ITGAE: variants seen among roughly 807,000 people sequenced by gnomAD.
ITGAE encodes the protein integrin subunit alpha E, also known as integrin alpha-E.
Under a neutral mutation model 136.5 loss-of-function variants are expected in ITGAE, and 99 were observed. The ratio of observed to expected loss-of-function variants is 0.73; its 90% CI spans 0.62 to 0.86. The LOEUF (loss-of-function observed/expected upper bound fraction) is 0.86, where lower values mean the gene tolerates loss of function less well. Among genes scored for constraint, ITGAE ranks in the 40% least tolerant of loss-of-function variants. ITGAE has a pLI of 0.00. For synonymous variants in ITGAE, 613 were observed against 591.8 expected (o/e 1.04, Z -0.52); for missense variants, 1,447 against 1,515.3 (o/e 0.95, Z 0.75).
At chr17:3,762,119 A>C in intron 3 of ITGAE, 137 bp from the exon 4 acceptor site, 1 of 688,618 alleles carries the variant, frequency 1.5e-6, no homozygotes, top group Non-Finnish European at 2.5e-6. Flanking sequence ...AGCCTCTAGA[A>C]AGCTAGAGCG....
intron 26 of ITGAE, chr17:3,725,475 G>A: frequency 4.3e-6 from 7 of 1,614,200 alleles, no homozygotes; most frequent in Non-Finnish European, 5.9e-6. Flanking sequence ...AAAAATCATT[G>A]CTATTGAAGG....
At position 3,716,747 on chromosome 17, in the gene ITGAE, T is replaced by G; in HGVS notation, c.3385A>C (p.Ile1129Leu). 1 of 1,612,228 alleles carries G rather than the reference T, an allele frequency of 6.2e-7. No homozygotes were observed. The highest frequency in any genetic ancestry group is 8.5e-7 in the Non-Finnish European group (1 of 1,178,304). ...DEKYHSLPIIIKGSVGGLLVL... is the reference protein window; with the variant it reads ...DEKYHSLPIILKGSVGGLLVL... ...AGAAGTCCACCAACGCTGCCTTTAA[T>G]GATGATAGGCAAAGAATGGTACTTC... The change falls in exon 30 of 31, where the codon ATT (isoleucine) becomes CTT (leucine). Residue 1129 changes from isoleucine (I) to leucine (L), a missense_variant. By Grantham distance (5) the Ile-to-Leu change is conservative. Around this residue, in one of 3 missense-constraint regions of ITGAE, gnomAD observed 1,031 missense variants for 1,011.4 expected, o/e 1.02. Coordinates refer to ENST00000263087, the MANE Select transcript of ITGAE (RefSeq NM_002208.5).
At chr17:3,761,767 C>T (rs2052176189) in intron 4 of ITGAE, 148 bp downstream of exon 4, 1 of 736,216 alleles carries the variant, frequency 1.4e-6, no homozygotes, top group Admixed American at 2.6e-5. Context: ...GTCAGAGCTA[C>T]AGTCAGCCCT....
At chr17:3,797,693 ACAAG>A (rs1413235039) in intron 1 of ITGAE, among the ~76,000 whole-genome samples, 1 of 147,136 alleles carries the variant, frequency 6.8e-6, no homozygotes, top group African/African-American at 2.5e-5. Context: ...ACTCCTGATC[ACAAG>A]TGCTCTGCCC....
chr17:3,744,479 C>T (rs1178561), intron 18 of ITGAE, among the ~76,000 whole-genome samples: 33,134 of 145,008 alleles, frequency 0.23, 6,198 homozygotes, highest in African/African-American at 0.51. Context: ...TGGAGTCTCG[C>T]TCTGTCGCCC....
chr17:3,797,237 C>T (rs1388113063), intron 1 of ITGAE, among the ~76,000 whole-genome samples: 1 of 144,112 alleles, frequency 6.9e-6, no homozygotes, highest in Non-Finnish European at 1.5e-5. Flanking sequence ...GCAATCTCGG[C>T]TCACTGCAAG....
intron 1 of ITGAE, among the ~76,000 whole-genome samples, chr17:3,786,472 A>G (rs2052800719): frequency 6.6e-6 from 1 of 152,214 alleles, no homozygotes; most frequent in Non-Finnish European, 1.5e-5. Flanking sequence ...TGAAGCCAGT[A>G]TAACATTGAT....
intron 20 of ITGAE, among the ~76,000 whole-genome samples, chr17:3,738,627 G>A (rs942970538): frequency 6.6e-6 from 1 of 152,214 alleles, no homozygotes; most frequent in African/African-American, 2.4e-5. Flanking sequence ...CGGCCACTGA[G>A]TCTTTGAAGT....
At chr17:3,784,141 T>TC (rs1333873066) in intron 1 of ITGAE, among the ~76,000 whole-genome samples, 1 of 151,826 alleles carries the variant, frequency 6.6e-6, no homozygotes, top group Non-Finnish European at 1.5e-5. Flanking sequence ...GCGCCTGTAG[T>TC]CCCAGCTACT....
chr17:3,741,227 G>A (rs1356476021), intron 19 of ITGAE, among the ~76,000 whole-genome samples: 8 of 148,516 alleles, frequency 5.4e-5, no homozygotes, highest in African/African-American at 1.8e-4. Flanking sequence ...ACAGCTGCCC[G>A]CCACCACGCC....
In ITGAE at chr17:3,752,356, C is replaced by A. The variant is rs144222317; in HGVS notation, c.1669-482G>T. Among the ~76,000 whole-genome samples the A allele has an allele frequency of 5.0e-3, 756 of 152,336 alleles. 9 individuals are homozygous for A. Among genetic ancestry groups the A allele is most frequent in the African/African-American group, 0.017 (725 of 41,572 alleles). ...CGGCATCACTGAGGCTCGCCGAGCC[C>A]CAGCTTCCTCACCCGTAAGATGAGA... On this transcript the variant is annotated intron_variant, in intron 14 of 30. Coordinates refer to ENST00000263087, the MANE Select transcript of ITGAE (RefSeq NM_002208.5).
chr17:3,739,967 G>A (rs1161824470), intron 19 of ITGAE, 89 bp from the exon 20 acceptor site: 34 of 1,041,464 alleles, frequency 3.3e-5, no homozygotes, highest in Non-Finnish European at 4.7e-5. Context: ...GGAAGTTTTG[G>A]GCTGTGCCTC....
intron 26 of ITGAE, among the ~76,000 whole-genome samples, chr17:3,727,403 CTT>C (rs34753665): frequency 2.6e-4 from 37 of 141,392 alleles, no homozygotes; most frequent in African/African-American, 4.5e-4. Flanking sequence ...TTAATTTTTG[CTT>C]TTTTTTTTTT....
At chr17:3,723,077 A>G (rs1191603656) in intron 28 of ITGAE, among the ~76,000 whole-genome samples, 2 of 152,248 alleles carry the variant, frequency 1.3e-5, no homozygotes, top group African/African-American at 2.4e-5. Flanking sequence ...GAGGAGTCAC[A>G]GGTAATCCCT....
At chr17:3,784,645 A>G (rs2052743695) in intron 1 of ITGAE, among the ~76,000 whole-genome samples, 1 of 152,120 alleles carries the variant, frequency 6.6e-6, no homozygotes, top group African/African-American at 2.4e-5. Context: ...CACCCACCTC[A>G]GCCTCCTAAA....
rs1425356392 is a variant in ITGAE, at chr17:3,797,328, G to A, written c.34+3783C>T. On this transcript the variant is annotated intron_variant, in intron 1 of 30. Coordinates refer to ENST00000263087, the MANE Select transcript of ITGAE (RefSeq NM_002208.5). ...CTACAGGCACCCGCCACCATGCCCA[G>A]CTAATTTTTTGTGTTTTTAGTAGAG... Among the ~76,000 whole-genome samples, 7 of 151,074 alleles carry A rather than the reference G, an allele frequency of 4.6e-5. 1 individual carries two copies. The South Asian group carries it at 1.3e-3, about 27-fold the overall frequency.
At chr17:3,797,388 A>C (rs1000658827) in intron 1 of ITGAE, among the ~76,000 whole-genome samples, 10 of 150,262 alleles carry the variant, frequency 6.7e-5, no homozygotes, top group African/African-American at 2.5e-4. Context: ...GATGGTCTCG[A>C]TCTCCTGACC....
rs1216681144 is a variant in ITGAE at position 3,801,125 on chromosome 17, A to G, written c.20T>C (p.Leu7Pro). The G allele has an allele frequency of 6.2e-7, 1 of 1,612,264 alleles. No individual in the cohort carries two copies. Among genetic ancestry groups the G allele is most frequent in the Non-Finnish European group, 8.5e-7 (1 of 1,180,028 alleles). Residue 7 changes from leucine (L) to proline (P), a missense_variant, in exon 1 of 31, where the codon CTG becomes CCG. By Grantham distance (98) the Leu-to-Pro change is moderately conservative. Around this residue, in one of 3 missense-constraint regions of ITGAE, gnomAD observed 106 missense variants for 87.8 expected, o/e 1.21. Coordinates refer to ENST00000263087, the MANE Select transcript of ITGAE (RefSeq NM_002208.5). ...AGAGGACTTACTGGCTATGCAGAGC[A>G]GAGTGTGGAAGAGCCACATCCTTGC... is the stretch of plus-strand genomic sequence containing the variant. The part of the protein sequence containing the change: MWLFHT[L>P]LCIASLALLA...
chr17:3,786,436 T>C (rs1476285075), intron 1 of ITGAE, among the ~76,000 whole-genome samples: 1 of 151,988 alleles, frequency 6.6e-6, no homozygotes, highest in Non-Finnish European at 1.5e-5. Flanking sequence ...GAATAGAAAA[T>C]GAGAAAACAT....
Sources: allele counts gnomAD v4.1 joint callset (sites outside exome capture counted in the v4.1 genomes callset), GRCh38; gene constraint gnomAD v4.1.1; regional missense constraint gnomAD v4.1.1; transcripts MANE v1.5; gene names NCBI Gene and HGNC (gene_info 2026-07-23, HGNC 2026-07-21).